The following SPATA6 variants were observed in gnomAD, a reference collection of about 807,000 sequenced individuals.
The protein encoded by SPATA6 is spermatogenesis-associated protein 6.
In SPATA6, 56 loss-of-function variants were observed where a neutral mutation model predicts 65.3. The observed-to-expected ratio is 0.86, with a 90% CI of 0.69 to 1.07. SPATA6 has a LOEUF of 1.07. Ranked by LOEUF, SPATA6 falls within the 50% of genes least tolerant of loss-of-function variation. SPATA6 has a pLI of 0.00. For missense variants in SPATA6, 590 were observed against 594.8 expected (o/e 0.99, Z 0.08); for synonymous variants, 199 against 213.2 (o/e 0.93, Z 0.58).
intron 8 of SPATA6, among the ~76,000 whole-genome samples, chr1:48,388,267 C>G (rs532286116): frequency 6.6e-6 from 1 of 152,192 alleles, no homozygotes; most frequent in Admixed American, 6.5e-5. Context: ...AGAGACTACA[C>G]CACTGCATGC....
intron 1 of SPATA6, among the ~76,000 whole-genome samples, chr1:48,467,349 GCAAT>G (rs1161957261): frequency 4.6e-5 from 7 of 152,146 alleles, no homozygotes; most frequent in Non-Finnish European, 7.4e-5. Flanking sequence ...CTTTCAACAG[GCAAT>G]CAAAGATAAC....
In SPATA6 at chr1:48,386,975, T is replaced by TA. The variant is rs1268515200; in HGVS notation, c.869-1627dup. 2.6e-5 allele frequency among the ~76,000 whole-genome samples: 4 copies of TA among 152,190 alleles called. No homozygotes were observed. The East Asian group carries it at 7.7e-4, about 29-fold the overall frequency. ...TATTAGTCCATTTTTACACTGCCGA[T>TA]AAAGACATACCTGAGAATGGGCAAT... On this transcript the variant is annotated intron_variant, in intron 8 of 12. Transcript: ENST00000371847.
At chr1:48,274,905 A>G in the SPATA6 span, among the ~76,000 whole-genome samples, 1 of 152,200 alleles carries the variant, frequency 6.6e-6, no homozygotes, top group African/African-American at 2.4e-5. Flanking sequence ...TGGGGATAGC[A>G]TCGAATCTAT....
intron 11 of SPATA6, among the ~76,000 whole-genome samples, chr1:48,348,342 T>G (rs1268144323): frequency 6.6e-6 from 1 of 152,046 alleles, no homozygotes; most frequent in African/African-American, 2.4e-5. Context: ...AGTTATTCAT[T>G]GTTTCATTTA....
rs545880742 is a variant in SPATA6 at position 48,399,502 on chromosome 1, G to A, written c.629C>T (p.Thr210Ile). The A allele has an allele frequency of 1.7e-5, 28 of 1,613,294 alleles. No individual in the cohort carries two copies. The South Asian group carries it at 2.7e-4, about 16-fold the overall frequency. ...TGGAGAGTGTGATTTTGAAGAAATT[G>A]TAGGCTGTTCGTAGTTTTTTGCATT... ...CINAKNYEQP[T>I]ISSKSHSPSP... is the part of the protein sequence containing the mutation. The change falls in exon 7 of 13, where the codon ACA (threonine) becomes ATA (isoleucine). Residue 210 changes from threonine (T) to isoleucine (I), a missense_variant. Physicochemically the swap from Thr to Ile is moderately conservative, Grantham distance 89. Coordinates refer to ENST00000371847, the MANE Select transcript of SPATA6 (RefSeq NM_019073.4).
intron 3 of SPATA6, among the ~76,000 whole-genome samples, chr1:48,417,993 T>C (rs1179790257): frequency 1.3e-5 from 2 of 152,196 alleles, no homozygotes; most frequent in African/African-American, 4.8e-5. Flanking sequence ...ATTCTGATTA[T>C]ATAGTTACAT....
chr1:48,373,137 C>T (rs1647487955), intron 9 of SPATA6, among the ~76,000 whole-genome samples: 2 of 152,242 alleles, frequency 1.3e-5, no homozygotes, highest in African/African-American at 4.8e-5. Flanking sequence ...TTTTCTATCG[C>T]ATAGTCAGGC....
At chr1:48,363,762 T>C (rs963113831) in intron 9 of SPATA6, among the ~76,000 whole-genome samples, 8 of 151,672 alleles carry the variant, frequency 5.3e-5, no homozygotes, top group African/African-American at 1.9e-4. Flanking sequence ...AAACTTCTTT[T>C]TTTTCATGTT....
At chr1:48,439,833 C>G (rs757249168) in intron 3 of SPATA6, among the ~76,000 whole-genome samples, 1 of 152,128 alleles carries the variant, frequency 6.6e-6, no homozygotes, top group Non-Finnish European at 1.5e-5. Context: ...TTATTTTTTT[C>G]TGCACTATGG....
At chr1:48,291,735 G>A (rs1644769674), downstream of SPATA6, among the ~76,000 whole-genome samples, 1 of 152,180 alleles carries the variant, frequency 6.6e-6, no homozygotes, top group African/African-American at 2.4e-5. Flanking sequence ...TGCAGTGGCA[G>A]TCCACTTCCT....
the SPATA6 span, among the ~76,000 whole-genome samples, chr1:48,267,970 C>A: frequency 1.3e-5 from 2 of 151,818 alleles, no homozygotes; most frequent in African/African-American, 4.8e-5. Flanking sequence ...CCAGGATGGT[C>A]TCGATCTCCT....
At chr1:48,337,960 G>T (rs1328896583) in intron 11 of SPATA6, among the ~76,000 whole-genome samples, 1 of 151,950 alleles carries the variant, frequency 6.6e-6, no homozygotes, top group Non-Finnish European at 1.5e-5. Flanking sequence ...CTGGCAAGCT[G>T]ATGATTTTGA....
chr1:48,309,567 C>G (rs942229049), intron 11 of SPATA6, among the ~76,000 whole-genome samples: 12 of 152,020 alleles, frequency 7.9e-5, no homozygotes, highest in African/African-American at 2.9e-4. Context: ...TAAATGCTTT[C>G]TTTTGGTTCT....
chr1:48,274,743 C>A, the SPATA6 span, among the ~76,000 whole-genome samples: 6 of 152,076 alleles, frequency 3.9e-5, no homozygotes, highest in Non-Finnish European at 8.8e-5. Context: ...ATTACTGTAG[C>A]CTTGTAGTAT....
intron 3 of SPATA6, among the ~76,000 whole-genome samples, chr1:48,420,925 T>G (rs1336052124): frequency 6.6e-6 from 1 of 152,028 alleles, no homozygotes; most frequent in Non-Finnish European, 1.5e-5. Context: ...TTAAGTGAAA[T>G]AAGCACAACA....
At chr1:48,412,002 G>A (rs1408699749) in intron 4 of SPATA6, among the ~76,000 whole-genome samples, 1 of 152,014 alleles carries the variant, frequency 6.6e-6, no homozygotes, top group East Asian at 1.9e-4. Flanking sequence ...GAGTAGCTGG[G>A]ACTACAGGCA....
chr1:48,385,359 G>A lies in SPATA6; in HGVS notation c.869-10C>T, dbSNP rs1161904079. On this transcript the variant is annotated splice_polypyrimidine_tract_variant and intron_variant, in intron 8 of 12. Transcript: ENST00000371847. ...CCAAGATGAGAATGATCTGAAAAAG[G>A]AAGTACAAAACAATTAAAGTTTAAA... is the stretch of plus-strand genomic sequence containing the variant. 1 of 1,607,696 alleles carries A rather than the reference G, an allele frequency of 6.2e-7. No individual in the cohort carries two copies.
intron 1 of SPATA6, among the ~76,000 whole-genome samples, chr1:48,464,040 A>T (rs1657637695): frequency 2.0e-5 from 3 of 152,152 alleles, no homozygotes; most frequent in East Asian, 1.9e-4. Context: ...AGGATTTTTT[A>T]AAATTAGAAT....
the SPATA6 span, among the ~76,000 whole-genome samples, chr1:48,264,561 C>G: frequency 1.3e-5 from 2 of 152,070 alleles, no homozygotes; most frequent in Admixed American, 1.3e-4. Flanking sequence ...ATGTCCCCCT[C>G]CCTGTGTCCA....
Sources: gnomAD v4.1 joint callset for allele counts (sites outside exome capture counted in the v4.1 genomes callset) on GRCh38, gnomAD v4.1.1 for gene constraint, MANE v1.5 for transcripts, NCBI Gene and HGNC (gene_info 2026-07-23, HGNC 2026-07-21) for gene names.